The following ZMAT5 variants were observed in gnomAD, a reference collection of about 807,000 sequenced individuals.
ZMAT5 encodes zinc finger matrin-type protein 5.
ZMAT5 carries 23 observed loss-of-function variants against 28.0 expected under a neutral mutation model. That is an observed-to-expected ratio of 0.82 (90% CI 0.59 to 1.16). The LOEUF (loss-of-function observed/expected upper bound fraction) is 1.16. Ranked by LOEUF, ZMAT5 falls within the 50% of genes most tolerant of loss-of-function variation. The pLI, the probability that ZMAT5 is intolerant of heterozygous loss-of-function variation, is 0.00. For synonymous variants in ZMAT5, 76 were observed against 84.1 expected (o/e 0.90, Z 0.52); for missense variants, 173 against 212.7 (o/e 0.81, Z 1.16).
rs1288151392 is a variant in ZMAT5 at position 29,738,374 on chromosome 22, C to A, written c.339G>T (p.Trp113Cys). 6.2e-7 allele frequency: 1 copy of A among 1,610,444 alleles called. No homozygotes were observed. The highest frequency in any genetic ancestry group is 1.7e-4 in the Middle Eastern group (1 of 6,060). The change falls in exon 5 of 6, where the codon TGG becomes TGT. Residue 113 changes from tryptophan to cysteine, a missense_variant. Transcript: ENST00000344318. ...TCAGCCGCTTGGCTCTCTTCTCCAGCCAGTCCTCCAGATGGCCCTCGGGGA... is the reference window on the plus strand; with the variant it reads ...TCAGCCGCTTGGCTCTCTTCTCCAGACAGTCCTCCAGATGGCCCTCGGGGA... ...PELPEGHLED[W>C]LEKRAKRLSS...
At chr22:29,748,677 T>C in intron 1 of ZMAT5, 106 bp from the exon 2 acceptor site, 13 of 1,396,660 alleles carry the variant, frequency 9.3e-6, no homozygotes, top group Admixed American at 4.2e-5. Context: ...GCTTTACTCA[T>C]ATGCACCCCG....
At chr22:29,742,294 C>T in intron 3 of ZMAT5, 124 bp downstream of exon 3, 4 of 900,420 alleles carry the variant, frequency 4.4e-6, no homozygotes, top group Non-Finnish European at 7.0e-6. Context: ...CAGCTGGAGC[C>T]ACTGCTGCAA....
At chr22:29,737,660 A>G (rs1280866310) in intron 5 of ZMAT5, among the ~76,000 whole-genome samples, 2 of 152,014 alleles carry the variant, frequency 1.3e-5, no homozygotes, top group Non-Finnish European at 2.9e-5. Context: ...AGAGCCCAGG[A>G]GCTCAGGCTT....
intron 2 of ZMAT5, among the ~76,000 whole-genome samples, chr22:29,743,324 A>C (rs1015280447): frequency 6.6e-6 from 1 of 152,184 alleles, no homozygotes; most frequent in African/African-American, 2.4e-5. Context: ...TAGGGCACTC[A>C]GGGCCAGACC....
chr22:29,759,820 A>G (rs2068138646), intron 1 of ZMAT5, among the ~76,000 whole-genome samples: 1 of 151,678 alleles, frequency 6.6e-6, no homozygotes, highest in Admixed American at 6.6e-5. Context: ...TAATCCTAGC[A>G]CTTTGGGAGG....
At chr22:29,739,322 T>C (rs1156369426) in intron 4 of ZMAT5, among the ~76,000 whole-genome samples, 1 of 152,166 alleles carries the variant, frequency 6.6e-6, no homozygotes, top group Non-Finnish European at 1.5e-5. Context: ...AAAGTAATCA[T>C]ACACTTGACT....
At chr22:29,754,330 C>T (rs79161913) in intron 1 of ZMAT5, among the ~76,000 whole-genome samples, 5 of 152,324 alleles carry the variant, frequency 3.3e-5, no homozygotes, top group East Asian at 1.9e-4. Context: ...ACCAGGTGCA[C>T]GGCTGCAAAG....
intron 1 of ZMAT5, among the ~76,000 whole-genome samples, chr22:29,752,938 C>G (rs542671084): frequency 8.5e-5 from 13 of 152,304 alleles, no homozygotes; most frequent in South Asian, 4.1e-4. Flanking sequence ...GGAAAGCATG[C>G]TCACTGAGCA....
chr22:29,759,797 T>C (rs538575620), intron 1 of ZMAT5, among the ~76,000 whole-genome samples: 8 of 151,810 alleles, frequency 5.3e-5, no homozygotes, highest in South Asian at 2.1e-4. Flanking sequence ...CCGGGCATGG[T>C]GGCTCATGTC....
intron 1 of ZMAT5, among the ~76,000 whole-genome samples, chr22:29,753,089 G>A (rs1344400420): frequency 1.3e-5 from 2 of 152,160 alleles, no homozygotes; most frequent in African/African-American, 4.8e-5. Flanking sequence ...TCTGTGCCTG[G>A]GGAGGCTGTC....
intron 1 of ZMAT5, among the ~76,000 whole-genome samples, chr22:29,751,284 C>T (rs1489328025): frequency 6.6e-6 from 1 of 152,110 alleles, no homozygotes; most frequent in South Asian, 2.1e-4. Context: ...GCCTGTGTGA[C>T]CTTGGGCAAG....
At chr22:29,748,392 C>T in intron 2 of ZMAT5, 26 bp downstream of exon 2, 1 of 1,614,152 alleles carries the variant, frequency 6.2e-7, no homozygotes, top group Non-Finnish European at 8.5e-7. Context: ...GCTCCAGGAG[C>T]CTGGCCCCCA....
intron 2 of ZMAT5, 75 bp downstream of exon 2, chr22:29,748,343 C>G (rs1003241575): frequency 1.2e-6 from 2 of 1,605,704 alleles, no homozygotes; most frequent in African/African-American, 2.7e-5. Context: ...GTCACTGACC[C>G]ACAGGAGTCT....
rs1213155008 is a variant in ZMAT5 at position 29,748,444 on chromosome 22, T to C, written c.101A>G (p.Lys34Arg). Reference sequence around the variant, plus strand: ...TCGGAACATGTCGTACCAGACCTTCTTGGCCTTGAGGTGCTGCAGCCCGTT... The same window carrying C: ...TCGGAACATGTCGTACCAGACCTTCCTGGCCTTGAGGTGCTGCAGCCCGTT... ...HLNGLQHLKA[K>R]KVWYDMFRDA... The change falls in exon 2 of 6, where the codon AAG (lysine) becomes AGG (arginine). Residue 34 changes from lysine (K) to arginine (R), a missense_variant. Transcript: ENST00000344318. 1.2e-6 allele frequency: 2 copies of C among 1,614,132 alleles called. No individual in the cohort carries two copies. Among genetic ancestry groups the C allele is most frequent in the South Asian group, 2.2e-5 (2 of 91,092 alleles).
intron 1 of ZMAT5, among the ~76,000 whole-genome samples, chr22:29,762,475 G>A (rs1426562682): frequency 6.6e-6 from 1 of 152,140 alleles, no homozygotes; most frequent in African/African-American, 2.4e-5. Flanking sequence ...TCGCATTACC[G>A]CCTGAGCTTC....
intron 1 of ZMAT5, among the ~76,000 whole-genome samples, chr22:29,753,712 C>T (rs928187565): frequency 6.6e-6 from 1 of 151,934 alleles, no homozygotes; most frequent in Non-Finnish European, 1.5e-5. Flanking sequence ...ACAACAACAA[C>T]AAAAAAGAAC....
intron 2 of ZMAT5, chr22:29,746,640 C>G (rs773043856): frequency 1.3e-5 from 2 of 152,406 alleles, no homozygotes; most frequent in Non-Finnish European, 2.9e-5. Flanking sequence ...CTTGGCCTGC[C>G]CAGCCTCTTA....
At chr22:29,755,928 C>G (rs73392820) in intron 1 of ZMAT5, among the ~76,000 whole-genome samples, 2,482 of 152,360 alleles carry the variant, frequency 0.016, 69 homozygotes, top group African/African-American at 0.057. Flanking sequence ...CCCCAGAGCC[C>G]ACTCTCTCTC....
intron 2 of ZMAT5, chr22:29,747,673 A>T (rs1270270738): frequency 6.5e-6 from 1 of 153,762 alleles, no homozygotes; most frequent in Non-Finnish European, 1.4e-5. Flanking sequence ...GCCGTGCAAC[A>T]GCACAACTCC....
Sources: gnomAD v4.1 joint callset for allele counts (sites outside exome capture counted in the v4.1 genomes callset) on GRCh38, gnomAD v4.1.1 for gene constraint, MANE v1.5 for transcripts, NCBI Gene and HGNC (gene_info 2026-07-23, HGNC 2026-07-21) for gene names.